The following FHIT variants were observed in gnomAD, a reference collection of about 807,000 sequenced individuals.
FHIT encodes fragile histidine triad diadenosine triphosphatase, also known as bis(5'-adenosyl)-triphosphatase.
FHIT carries 19 observed loss-of-function variants against 17.9 expected under a neutral mutation model. That is an observed-to-expected ratio of 1.06 (90% CI 0.74 to 1.56). FHIT has a LOEUF of 1.56. Among genes scored for constraint, FHIT ranks in the 40% most tolerant of loss-of-function variants. The pLI is 0.00. For missense variants in FHIT, 248 were observed against 189.2 expected, an observed-to-expected ratio of 1.31 and a Z score of -1.82; for synonymous variants, 81 against 69.7, an observed-to-expected ratio of 1.16 and a Z score of -0.81.
At chr3:60,136,615 A>G (rs1475812958) in intron 5 of FHIT, among the ~76,000 whole-genome samples, 1 of 151,372 alleles carries the variant, frequency 6.6e-6, no homozygotes, top group South Asian at 2.1e-4. Flanking sequence ...CACAAATCCC[A>G]AATTCCCAGT....
chr3:60,173,919 T>TATGG (rs1559698680), intron 5 of FHIT, among the ~76,000 whole-genome samples: 1 of 17,266 alleles, frequency 5.8e-5, no homozygotes, highest in Non-Finnish European at 1.1e-4. Flanking sequence ...ATATATATGT[T>TATGG]TTTTTTTTTT....
chr3:61,057,911 GA>G (rs1285932821), intron 2 of FHIT, among the ~76,000 whole-genome samples: 1 of 152,210 alleles, frequency 6.6e-6, no homozygotes, highest in Non-Finnish European at 1.5e-5. Context: ...AGTTGGTGAG[GA>G]AGGCTCCTTG....
At chr3:61,114,499 T>C (rs1477166218) in intron 2 of FHIT, among the ~76,000 whole-genome samples, 1 of 152,136 alleles carries the variant, frequency 6.6e-6, no homozygotes, top group African/African-American at 2.4e-5. Flanking sequence ...TCTTCATGCA[T>C]AAAATAGGAT....
At chr3:60,129,629 C>A (rs1166323923) in intron 5 of FHIT, among the ~76,000 whole-genome samples, 1 of 152,150 alleles carries the variant, frequency 6.6e-6, no homozygotes, top group Non-Finnish European at 1.5e-5. Flanking sequence ...TGCCCTAAGT[C>A]TACTATAAGT....
intron 3 of FHIT, among the ~76,000 whole-genome samples, chr3:60,905,222 G>A (rs1382578427): frequency 6.6e-6 from 1 of 151,952 alleles, no homozygotes; most frequent in Non-Finnish European, 1.5e-5. Flanking sequence ...CAAAAAAGTT[G>A]ATCCAAAAAA....
At chr3:60,653,531 C>T (rs1158060431) in intron 4 of FHIT, among the ~76,000 whole-genome samples, 1 of 151,564 alleles carries the variant, frequency 6.6e-6, no homozygotes, top group Admixed American at 6.6e-5. Flanking sequence ...AGGGAATTAT[C>T]AAAGAGATTG....
intron 5 of FHIT, among the ~76,000 whole-genome samples, chr3:60,360,536 G>A (rs1699864036): frequency 6.6e-6 from 1 of 152,058 alleles, no homozygotes; most frequent in South Asian, 2.1e-4. Context: ...GTGACCTTGG[G>A]TAAGGCATAT....
intron 2 of FHIT, among the ~76,000 whole-genome samples, chr3:61,134,087 TCACACACACACATACACACACACA>T (rs2036841406): frequency 2.3e-5 from 1 of 42,562 alleles, no homozygotes; most frequent in African/African-American, 1.0e-4. Flanking sequence ...AGACTCTGTC[TCACACACACACATACACACACACA>T]CACACACACA....
At chr3:60,245,716 C>A (rs1189422304) in intron 5 of FHIT, among the ~76,000 whole-genome samples, 1 of 151,866 alleles carries the variant, frequency 6.6e-6, no homozygotes, top group African/African-American at 2.4e-5. Context: ...CACAAGTGGG[C>A]AAAACTTTAT....
chr3:60,326,435 G>C (rs1709697726), intron 5 of FHIT, among the ~76,000 whole-genome samples: 1 of 152,050 alleles, frequency 6.6e-6, no homozygotes, highest in African/African-American at 2.4e-5. Context: ...ATTCCTATGA[G>C]AATCTAATCC....
At chr3:60,306,518 A>C (rs1308132533) in intron 5 of FHIT, among the ~76,000 whole-genome samples, 1 of 152,194 alleles carries the variant, frequency 6.6e-6, no homozygotes, top group Non-Finnish European at 1.5e-5. Context: ...CGAATTACTA[A>C]GATATCACTT....
At chr3:60,063,764 C>G (rs1702388253) in intron 5 of FHIT, among the ~76,000 whole-genome samples, 1 of 152,026 alleles carries the variant, frequency 6.6e-6, no homozygotes, top group Admixed American at 6.6e-5. Context: ...AAATAGTATG[C>G]CAGAATTTGT....
intron 5 of FHIT, among the ~76,000 whole-genome samples, chr3:60,069,403 T>A (rs1702663018): frequency 6.6e-6 from 1 of 152,220 alleles, no homozygotes; most frequent in South Asian, 2.1e-4. Context: ...GGTTTAAAGT[T>A]AAAATTTCTA....
intron 5 of FHIT, among the ~76,000 whole-genome samples, chr3:60,039,408 G>T (rs1216825586): frequency 6.6e-6 from 1 of 152,172 alleles, no homozygotes; most frequent in Admixed American, 6.5e-5. Flanking sequence ...TTAAAAGCTA[G>T]TGGCTGGGAT....
At chr3:60,815,785 A>G (rs571637277) in intron 4 of FHIT, among the ~76,000 whole-genome samples, 1 of 152,114 alleles carries the variant, frequency 6.6e-6, no homozygotes, top group South Asian at 2.1e-4. Context: ...GAGTAGTTTT[A>G]TAAACTACCT....
rs996505589 is a variant in FHIT, at chr3:59,748,864, A to T, written c.*721T>A. ...AGGATAATAACAGGGTCTACATCTT[A>T]TAAATTCTTAGCAAGTGTGTTGGCT... is the stretch of plus-strand genomic sequence containing the variant. On this transcript the variant is annotated 3_prime_UTR_variant, in exon 10 of 10. Transcript: ENST00000492590. Among the ~76,000 whole-genome samples the T allele has an allele frequency of 2.0e-5, 3 of 152,210 alleles. No homozygotes were observed. The highest frequency in any genetic ancestry group is 7.2e-5 in the African/African-American group (3 of 41,476).
chr3:59,915,109 A>C (rs542575703), intron 8 of FHIT, among the ~76,000 whole-genome samples: 25 of 152,288 alleles, frequency 1.6e-4, no homozygotes, highest in Non-Finnish European at 3.1e-4. Context: ...GCAGGTAGGA[A>C]GACAGATGGA....
rs1393909149 is a variant in FHIT at position 60,568,757 on chromosome 3, T to C, written c.-17-31778A>G. On this transcript the variant is annotated intron_variant, in intron 4 of 9. Transcript: ENST00000492590. ...AAAGGCCATTTTTAATGAATTCCCT[T>C]TCAGCTCTTAGTCAAGCTCATCTTT... Among the ~76,000 whole-genome samples, 12 of 152,100 alleles carry C rather than the reference T, an allele frequency of 7.9e-5. 1 individual carries two copies. The South Asian group carries it at 2.3e-3, about 29-fold the overall frequency.
At chr3:60,217,986 C>G (rs1176167812) in intron 5 of FHIT, among the ~76,000 whole-genome samples, 1 of 152,088 alleles carries the variant, frequency 6.6e-6, no homozygotes, top group Non-Finnish European at 1.5e-5. Flanking sequence ...AAAGCAATGC[C>G]ATTCTCAATT....
Sources: gnomAD v4.1 joint callset for allele counts (sites outside exome capture counted in the v4.1 genomes callset) on GRCh38, gnomAD v4.1.1 for gene constraint, MANE v1.5 for transcripts, NCBI Gene and HGNC (gene_info 2026-07-23, HGNC 2026-07-21) for gene names.